Variants in MCF2L2 observed in about 807,000 individuals in gnomAD.
MCF2L2 encodes the protein probable guanine nucleotide exchange factor MCF2L2.
A neutral mutation model predicts 150.2 loss-of-function variants in MCF2L2; 102 were observed. The observed-to-expected ratio is 0.68, with a 90% confidence interval of 0.58 to 0.80. The LOEUF (loss-of-function observed/expected upper bound fraction) is 0.80, where lower values mean the gene tolerates loss of function less well. Among genes scored for constraint, MCF2L2 ranks in the 30% least tolerant of loss-of-function variants. The pLI is 0.00. For synonymous variants in MCF2L2, 465 were observed against 491.3 expected, an observed-to-expected ratio of 0.95 and a Z score of 0.71; for missense variants, 1,256 against 1,372.8, an observed-to-expected ratio of 0.91 and a Z score of 1.34.
At chr3:183,211,985 A>G (rs954238861) in intron 22 of MCF2L2, among the ~76,000 whole-genome samples, 4 of 152,222 alleles carry the variant, frequency 2.6e-5, no homozygotes, top group African/African-American at 9.6e-5. Flanking sequence ...GCCCTGGGTT[A>G]GGATGGGTCC....
intron 15 of MCF2L2, among the ~76,000 whole-genome samples, chr3:183,257,261 A>G (rs907050604): frequency 1.3e-5 from 2 of 152,224 alleles, no homozygotes; most frequent in Non-Finnish European, 2.9e-5. Flanking sequence ...GGAGAGGCAC[A>G]GTATACATCT....
intron 1 of MCF2L2, among the ~76,000 whole-genome samples, chr3:183,404,089 TA>T (rs1366967011): frequency 6.6e-6 from 1 of 151,998 alleles, no homozygotes; most frequent in Non-Finnish European, 1.5e-5. Context: ...AACTGTAGAA[TA>T]AAAAAACCTT....
chr3:183,233,385 T>TATAG (rs1723650262), intron 15 of MCF2L2, among the ~76,000 whole-genome samples: 1 of 126,792 alleles, frequency 7.9e-6, no homozygotes, highest in Non-Finnish European at 1.7e-5. Flanking sequence ...TACATATAGA[T>TATAG]ATAGATAGAT....
At chr3:183,341,746 A>C in intron 3 of MCF2L2, 116 bp from the exon 4 acceptor site, 1 of 691,260 alleles carries the variant, frequency 1.4e-6, no homozygotes. Context: ...CCGTGTAAAC[A>C]CCCTGCACAG....
At chr3:183,185,976 T>C (rs1334626622) in intron 27 of MCF2L2, among the ~76,000 whole-genome samples, 1 of 152,110 alleles carries the variant, frequency 6.6e-6, no homozygotes, top group African/African-American at 2.4e-5. Context: ...GCTGGCTGTC[T>C]TAGACTTTCA....
chr3:183,334,793 C>CA (rs576703262), intron 5 of MCF2L2, among the ~76,000 whole-genome samples: 5,981 of 88,408 alleles, frequency 0.068, 211 homozygotes, highest in East Asian at 0.15. Context: ...AACTCCATTT[C>CA]AAAAAAAAAA....
chr3:183,386,005 T>C (rs976418923), intron 2 of MCF2L2, among the ~76,000 whole-genome samples: 3 of 152,220 alleles, frequency 2.0e-5, no homozygotes, highest in Admixed American at 6.5e-5. Context: ...ATCATAAAGA[T>C]GTCAGCCTTA....
chr3:183,183,934 ACC>A (rs1553879255), intron 27 of MCF2L2, among the ~76,000 whole-genome samples: 1 of 151,988 alleles, frequency 6.6e-6, no homozygotes, highest in Admixed American at 6.6e-5. Flanking sequence ...ACACACACAC[ACC>A]CCTCAGAAAA....
chr3:183,348,022 AC>A (rs1730967365), intron 3 of MCF2L2, among the ~76,000 whole-genome samples: 1 of 152,140 alleles, frequency 6.6e-6, no homozygotes, highest in South Asian at 2.1e-4. Context: ...ATCCAGAAAT[AC>A]CATTTGACCC....
At chr3:183,375,657 T>C (rs1713150751) in intron 3 of MCF2L2, 1 of 152,108 alleles carries the variant, frequency 6.6e-6, no homozygotes, top group Non-Finnish European at 1.5e-5. Context: ...CCCAACCCAC[T>C]CACAATGCGA....
At chr3:183,336,370 TTGAAA>T in intron 5 of MCF2L2, among the ~76,000 whole-genome samples, 1 of 152,114 alleles carries the variant, frequency 6.6e-6, no homozygotes, top group East Asian at 1.9e-4. Flanking sequence ...TCTGTTGAGT[TTGAAA>T]TTAGTTTCAA....
chr3:183,402,753 G>A (rs1714837302), intron 1 of MCF2L2, among the ~76,000 whole-genome samples: 1 of 151,890 alleles, frequency 6.6e-6, no homozygotes. Flanking sequence ...CCAAGAAATA[G>A]ATTATAAATT....
chr3:183,215,955 A>G lies in MCF2L2; in HGVS notation c.2496+14T>C, dbSNP rs746613224. The G allele has an allele frequency of 2.5e-6, 4 of 1,612,036 alleles. No individual in the cohort carries two copies. The highest frequency in any genetic ancestry group is 2.7e-5 in the African/African-American group (2 of 74,826). ...CTTTTGTGTGAGATGCTCTAACACT[A>G]CTATGGAACATACCGGACATTCAGT... On this transcript the variant is annotated intron_variant, in intron 22 of 29. Transcript: ENST00000328913.
intron 2 of MCF2L2, among the ~76,000 whole-genome samples, chr3:183,382,794 A>T (rs1232715071): frequency 6.6e-6 from 1 of 152,204 alleles, no homozygotes; most frequent in Non-Finnish European, 1.5e-5. Context: ...GAAAACATTA[A>T]GCGCTTGGGG....
intron 3 of MCF2L2, among the ~76,000 whole-genome samples, chr3:183,351,614 A>G (rs1711506572): frequency 6.6e-6 from 1 of 152,144 alleles, no homozygotes; most frequent in Non-Finnish European, 1.5e-5. Flanking sequence ...TGTCATAGAT[A>G]TACTGCACAT....
intron 6 of MCF2L2, among the ~76,000 whole-genome samples, chr3:183,319,102 G>A (rs1245743869): frequency 6.6e-6 from 1 of 152,208 alleles, no homozygotes; most frequent in Non-Finnish European, 1.5e-5. Flanking sequence ...TTTCAAAATT[G>A]GAGTTAATCC....
intron 22 of MCF2L2, among the ~76,000 whole-genome samples, chr3:183,210,052 C>T (rs1239793765): frequency 2.6e-5 from 4 of 151,990 alleles, no homozygotes; most frequent in Non-Finnish European, 4.4e-5. Context: ...AAACATTCGA[C>T]GCATCTTACA....
At position 183,270,898 on chromosome 3, in the gene MCF2L2, A is replaced by G. The variant is rs200554608; in HGVS notation, c.1862+5974T>C. 4 of 1,605,216 alleles carry G rather than the reference A, an allele frequency of 2.5e-6. No homozygotes were observed. Among genetic ancestry groups the G allele is most frequent in the East Asian group, 2.2e-5 (1 of 44,848 alleles). ...ATAATTCTCCTTTGTAAAATTAGCTATGTGGACACATACCCTTGTAGGGCT... is the reference window on the plus strand; with the variant it reads ...ATAATTCTCCTTTGTAAAATTAGCTGTGTGGACACATACCCTTGTAGGGCT... On this transcript the variant is annotated intron_variant, in intron 15 of 29. Transcript: ENST00000328913. This position sits in a 1 kb window ranked among gnomAD's most constrained non-coding sequence, Gnocchi z 4.5.
intron 3 of MCF2L2, among the ~76,000 whole-genome samples, chr3:183,355,926 G>A (rs1037464767): frequency 2.6e-5 from 4 of 151,980 alleles, no homozygotes; most frequent in Non-Finnish European, 4.4e-5. Flanking sequence ...CTAGGGCAGT[G>A]GGCCCCTCCT....
Sources: allele counts gnomAD v4.1 joint callset (sites outside exome capture counted in the v4.1 genomes callset), GRCh38; gene constraint gnomAD v4.1.1; non-coding constraint Gnocchi (gnomAD v3.1); transcripts MANE v1.5; gene names NCBI Gene and HGNC (gene_info 2026-07-23, HGNC 2026-07-21).